HMCES: variants seen among roughly 807,000 people sequenced by gnomAD.
HMCES encodes the protein 5-hydroxymethylcytosine binding, ES cell specific, also known as abasic site processing protein HMCES.
HMCES carries 27 observed loss-of-function variants against 35.1 expected under a neutral mutation model. The ratio of observed to expected loss-of-function variants is 0.77; its 90% CI spans 0.57 to 1.06. HMCES has a LOEUF of 1.06. Among genes scored for constraint, HMCES ranks in the 50% least tolerant of loss-of-function variants. The pLI is 0.00. For missense variants in HMCES, 391 were observed against 430.4 expected (o/e 0.91, Z 0.81); for synonymous variants, 130 against 154.7 (o/e 0.84, Z 1.18).
intron 5 of HMCES, among the ~76,000 whole-genome samples, chr3:129,301,233 A>G (rs1362045284): frequency 1.3e-5 from 2 of 150,008 alleles, no homozygotes; most frequent in Non-Finnish European, 2.9e-5. Flanking sequence ...ATATGCTTTC[A>G]TGTGATGTAG....
At chr3:129,282,001 G>T (rs1940506472) in intron 2 of HMCES, among the ~76,000 whole-genome samples, 1 of 150,668 alleles carries the variant, frequency 6.6e-6, no homozygotes, top group Admixed American at 6.6e-5. Flanking sequence ...AGTTATTTTT[G>T]TGTCATTTTT....
intron 2 of HMCES, among the ~76,000 whole-genome samples, chr3:129,288,215 C>T (rs898413796): frequency 2.0e-5 from 3 of 151,940 alleles, no homozygotes; most frequent in East Asian, 1.9e-4. Context: ...TTCAACGTTG[C>T]AGTGAGCTAT....
At chr3:129,295,005 A>C (rs1276832976) in intron 4 of HMCES, among the ~76,000 whole-genome samples, 1 of 151,932 alleles carries the variant, frequency 6.6e-6, no homozygotes, top group Non-Finnish European at 1.5e-5. Flanking sequence ...AAAACACACA[A>C]AAAATTAGCC....
rs543383967 is a variant in HMCES at position 129,292,277 on chromosome 3, C to T, written c.453+1473C>T. On this transcript the variant is annotated intron_variant, in intron 4 of 6. Transcript: ENST00000383463. ...TGGGAATTGTTTGTTCACCTGTCAT[C>T]TCATTTTGGGGACTGGAAATAGTGT... 6.6e-5 allele frequency among the ~76,000 whole-genome samples: 10 copies of T among 152,006 alleles called. No homozygotes were observed. The East Asian group carries it at 1.8e-3, about 27-fold the overall frequency.
chr3:129,281,957 T>C (rs1323558289), intron 2 of HMCES, among the ~76,000 whole-genome samples: 1 of 149,568 alleles, frequency 6.7e-6, no homozygotes, highest in African/African-American at 2.5e-5. Context: ...AATCAAATAA[T>C]GTTCTTGGTT....
intron 5 of HMCES, among the ~76,000 whole-genome samples, chr3:129,300,166 T>TTATATATATATATA (rs35145445): frequency 2.2e-3 from 307 of 141,182 alleles, no homozygotes; most frequent in African/African-American, 7.5e-3. Context: ...ATGTGCATCT[T>TTATATATATATATA]TATATATATA....
At chr3:129,281,019 C>G (rs529051062) in intron 2 of HMCES, among the ~76,000 whole-genome samples, 2 of 151,764 alleles carry the variant, frequency 1.3e-5, no homozygotes, top group East Asian at 2.0e-4. Flanking sequence ...GTCAAGAGAT[C>G]GAGACCATCC....
rs762233483 is a variant in HMCES, at chr3:129,290,777, C to G, written c.426C>G (p.Ile142Met). 1 of 1,613,390 alleles carries G rather than the reference C, an allele frequency of 6.2e-7. No individual in the cohort carries two copies. Among genetic ancestry groups the G allele is most frequent in the Non-Finnish European group, 8.5e-7 (1 of 1,179,404 alleles). The change falls in exon 4 of 7, where the codon ATC (isoleucine) becomes ATG (methionine). Residue 142 changes from isoleucine (I) to methionine (M), a missense_variant. By Grantham distance (10) the Ile-to-Met change is conservative (BLOSUM62 1). Coordinates refer to ENST00000383463, the MANE Select transcript of HMCES (RefSeq NM_020187.3). Reference sequence around the variant, plus strand: ...CAAACCAGAGGCAGCCATACTTCATCTATTTTCCTCAAATCAAGACAGAGA... The same window carrying G: ...CAAACCAGAGGCAGCCATACTTCATGTATTTTCCTCAAATCAAGACAGAGA... The part of the protein sequence containing the change: ...QGTNQRQPYF[I>M]YFPQIKTEKS...
intron 6 of HMCES, 29 bp downstream of exon 6, chr3:129,302,171 T>G: frequency 6.5e-7 from 1 of 1,548,278 alleles, no homozygotes; most frequent in African/African-American, 1.4e-5. Flanking sequence ...TACAGTCCTT[T>G]TTGAGCTTTC....
chr3:129,280,590 A>G (rs1296611891), intron 2 of HMCES, among the ~76,000 whole-genome samples: 1 of 152,250 alleles, frequency 6.6e-6, no homozygotes, highest in East Asian at 1.9e-4. Context: ...GGACAGGCTT[A>G]AGATCAGTTA....
At chr3:129,288,705 A>T (rs2107689401) in intron 2 of HMCES, 149 bp from the exon 3 acceptor site, 2 of 693,776 alleles carry the variant, frequency 2.9e-6, no homozygotes, top group East Asian at 6.5e-5. Flanking sequence ...CAAAAAAAAT[A>T]AAAAAATTGT....
chr3:129,294,561 C>T (rs2071069223), intron 4 of HMCES, among the ~76,000 whole-genome samples: 1 of 152,198 alleles, frequency 6.6e-6, no homozygotes, highest in African/African-American at 2.4e-5. Flanking sequence ...CCAGTTCCTC[C>T]TGTCTTTTGG....
In HMCES at chr3:129,279,744, A is replaced by C; in HGVS notation, c.12A>C (p.Arg4=). ...GGCGGTGTTGAAGAATGTGTGGGCG[A>C]ACATCCTGTCACTTACCTAGAGATG... MCG[R]TSCHLPRDVL... Residue 4 remains arginine, a synonymous_variant, in exon 2 of 7, where the codon CGA becomes CGC. Coordinates refer to ENST00000383463, the MANE Select transcript of HMCES (RefSeq NM_020187.3). The surrounding 1 kb of genome is among the most constrained non-coding windows in gnomAD (Gnocchi z 4.2). 1 of 1,612,990 alleles carries C rather than the reference A, an allele frequency of 6.2e-7. No homozygotes were observed. The highest frequency in any genetic ancestry group is 8.5e-7 in the Non-Finnish European group (1 of 1,179,636).
intron 2 of HMCES, among the ~76,000 whole-genome samples, chr3:129,282,298 A>C (rs75666695): frequency 0.12 from 18,814 of 150,760 alleles, 1,400 homozygotes; most frequent in Middle Eastern, 0.24. Flanking sequence ...TTTTTAACAA[A>C]AAAAAAAAAA....
At position 129,298,425 on chromosome 3, in the gene HMCES, A is replaced by G; in HGVS notation, c.525A>G (p.Thr175=). The G allele has an allele frequency of 6.2e-7, 1 of 1,614,170 alleles. No homozygotes were observed. The highest frequency in any genetic ancestry group is 2.2e-5 in the East Asian group (1 of 44,882). Residue 175 remains threonine, a synonymous_variant, in exon 5 of 7, where the codon ACA becomes ACG. Transcript: ENST00000383463. ...TCTGGGACAACTGGAGGCTGCTGAC[A>G]ATGGCCGGGATCTTTGACTGCTGGG... The part of the protein sequence containing the change: ...EKVWDNWRLL[T]MAGIFDCWEP...
At chr3:129,299,837 C>G (rs1188744067) in intron 5 of HMCES, among the ~76,000 whole-genome samples, 1 of 151,610 alleles carries the variant, frequency 6.6e-6, no homozygotes, top group Non-Finnish European at 1.5e-5. Context: ...CGCCATGTTA[C>G]CCAGGATGGT....
intron 5 of HMCES, among the ~76,000 whole-genome samples, chr3:129,298,873 G>A (rs1560077575): frequency 6.6e-6 from 1 of 152,172 alleles, no homozygotes; most frequent in African/African-American, 2.4e-5. Context: ...GGCTGAGCAC[G>A]GTGGCTCACG....
chr3:129,279,995 C>A lies in HMCES; in HGVS notation c.183+80C>A. ...CTATTTGGTTTGGTGTGTGCTCAGC[C>A]TCTTGGGATGACATTAAAAACCAGC... On this transcript the variant is annotated intron_variant, in intron 2 of 6. Coordinates refer to ENST00000383463, the MANE Select transcript of HMCES (RefSeq NM_020187.3). This position sits in a 1 kb window ranked among gnomAD's most constrained non-coding sequence, Gnocchi z 4.2. 1 of 1,252,086 alleles carries A rather than the reference C, an allele frequency of 8.0e-7. No individual in the cohort carries two copies. Among genetic ancestry groups the A allele is most frequent in the Non-Finnish European group, 1.1e-6 (1 of 921,806 alleles). The allele number at this position is 1,252,086 out of a possible 1,614,324, so 77.6% of individuals were successfully genotyped here.
intron 3 of HMCES, among the ~76,000 whole-genome samples, chr3:129,290,369 C>T (rs544396375): frequency 7.2e-5 from 11 of 152,082 alleles, no homozygotes; most frequent in African/African-American, 2.4e-4. Context: ...ACTGCCACCT[C>T]TGCCTCCAAG....
Sources: allele counts gnomAD v4.1 joint callset (sites outside exome capture counted in the v4.1 genomes callset), GRCh38; gene constraint gnomAD v4.1.1; non-coding constraint Gnocchi (gnomAD v3.1); transcripts MANE v1.5; gene names NCBI Gene and HGNC (gene_info 2026-07-23, HGNC 2026-07-21).